SYNE2: variants seen among roughly 807,000 people sequenced by gnomAD.
SYNE2 encodes nesprin-2.
In SYNE2, 431 loss-of-function variants were observed where a neutral mutation model predicts 856.3. That is an observed-to-expected ratio of 0.50 (90% CI 0.47 to 0.55). The LOEUF (loss-of-function observed/expected upper bound fraction) is 0.55. Ranked by LOEUF, SYNE2 falls within the 20% of genes least tolerant of loss-of-function variation. The pLI, the probability that SYNE2 is intolerant of heterozygous loss-of-function variation, is 0.00. For missense variants in SYNE2, 8,129 were observed against 8,023.2 expected (o/e 1.01, Z -0.50); for synonymous variants, 2,923 against 2,872.3 (o/e 1.02, Z -0.56).
chr14:63,968,168 A>C (rs940677619), intron 11 of SYNE2, among the ~76,000 whole-genome samples: 8 of 152,228 alleles, frequency 5.3e-5, no homozygotes, highest in Non-Finnish European at 1.2e-4. Flanking sequence ...GTCTCAAAAA[A>C]AAAAGAACAT....
chr14:64,009,870 A>G (rs1339650802), intron 31 of SYNE2, 96 bp from the exon 32 acceptor site: 1 of 1,117,356 alleles, frequency 8.9e-7, no homozygotes. Flanking sequence ...AAAGTCCTTT[A>G]CACCTTATTC....
intron 7 of SYNE2, among the ~76,000 whole-genome samples, chr14:63,951,913 G>A (rs961813835): frequency 1.6e-4 from 24 of 152,148 alleles, no homozygotes; most frequent in African/African-American, 4.8e-4. Context: ...CAACTGTAGA[G>A]CTTATGCTAA....
intron 7 of SYNE2, among the ~76,000 whole-genome samples, chr14:63,951,565 A>G (rs892443927): frequency 6.6e-6 from 1 of 152,148 alleles, no homozygotes; most frequent in African/African-American, 2.4e-5. Context: ...GGCCTCCCAA[A>G]GTGCTGTGAT....
At chr14:64,040,600 A>ATG (rs1206287441) in intron 45 of SYNE2, among the ~76,000 whole-genome samples, 2 of 145,710 alleles carry the variant, frequency 1.4e-5, no homozygotes, top group African/African-American at 2.5e-5. Context: ...GGTTAAAAAT[A>ATG]TATATATATA....
intron 77 of SYNE2, among the ~76,000 whole-genome samples, chr14:64,133,254 A>G (rs1179415721): frequency 6.6e-6 from 1 of 152,014 alleles, no homozygotes; most frequent in Non-Finnish European, 1.5e-5. Flanking sequence ...ATAGTGTAAT[A>G]TGGTGTTATT....
intron 115 of SYNE2, 34 bp from the exon 116 acceptor site, chr14:64,225,285 C>T: frequency 6.2e-7 from 1 of 1,614,058 alleles, no homozygotes; most frequent in Non-Finnish European, 8.5e-7. Flanking sequence ...CCTGTGGAGC[C>T]TCCCAATCAG....
At chr14:64,075,365 T>G (rs1445759876) in intron 53 of SYNE2, among the ~76,000 whole-genome samples, 1 of 152,220 alleles carries the variant, frequency 6.6e-6, no homozygotes, top group African/African-American at 2.4e-5. Flanking sequence ...CCACAACCAA[T>G]AGACTATTTG....
chr14:64,143,957 C>T lies in SYNE2; in HGVS notation c.15483+9C>T. 6.2e-7 allele frequency: 1 copy of T among 1,614,066 alleles called. No individual in the cohort carries two copies. The highest frequency in any genetic ancestry group is 1.1e-5 in the South Asian group (1 of 91,080). The stretch of plus-strand genomic sequence containing the variant: ...GAATGCTGAATAGAAAGGTGTGTTC[C>T]TGCGTCACAACTGGATGTGTGGTTT... On this transcript the variant is annotated intron_variant, in intron 83 of 115. Transcript: ENST00000555002.
At chr14:63,937,389 C>T (rs986605974) in intron 2 of SYNE2, among the ~76,000 whole-genome samples, 2 of 152,042 alleles carry the variant, frequency 1.3e-5, no homozygotes, top group Non-Finnish European at 2.9e-5. Context: ...GACGATGATA[C>T]GGAAGAGGTA....
chr14:64,212,225 A>C, intron 104 of SYNE2, 127 bp downstream of exon 104: 1 of 1,457,674 alleles, frequency 6.9e-7, no homozygotes, highest in Non-Finnish European at 9.5e-7. Flanking sequence ...GCCAGGCTAC[A>C]TCCCACCTGT....
At chr14:63,860,569 A>G (rs1197324111) in intron 1 of SYNE2, among the ~76,000 whole-genome samples, 5 of 152,186 alleles carry the variant, frequency 3.3e-5, no homozygotes, top group East Asian at 1.9e-4. Context: ...GGAAATTTCA[A>G]TCTGAGATTT....
chr14:63,927,537 G>A (rs55989826), intron 2 of SYNE2, among the ~76,000 whole-genome samples: 82,037 of 151,888 alleles, frequency 0.54, 23,792 homozygotes, highest in Non-Finnish European at 0.64. Flanking sequence ...CATGAGATCT[G>A]ATGTTTTTAT....
intron 13 of SYNE2, 41 bp downstream of exon 13, chr14:63,978,058 C>A: frequency 7.7e-7 from 1 of 1,306,348 alleles, no homozygotes; most frequent in African/African-American, 1.4e-5. Context: ...TCACTATTCA[C>A]GTTTGAGTAA....
chr14:63,997,445 T>A, intron 25 of SYNE2, 54 bp downstream of exon 25: 2 of 1,357,126 alleles, frequency 1.5e-6, no homozygotes, highest in Non-Finnish European at 2.1e-6. Flanking sequence ...AAAGACCAAG[T>A]GTACAATAAT....
intron 66 of SYNE2, among the ~76,000 whole-genome samples, chr14:64,118,242 A>T (rs78211876): frequency 0.029 from 4,387 of 152,308 alleles, 227 homozygotes; most frequent in African/African-American, 0.1. Flanking sequence ...TGCTGACGTG[A>T]GTGCCCAGCC....
intron 61 of SYNE2, among the ~76,000 whole-genome samples, chr14:64,097,547 AG>A (rs1415129644): frequency 2.0e-5 from 3 of 152,248 alleles, no homozygotes; most frequent in Non-Finnish European, 2.9e-5. Context: ...GCACTTATGC[AG>A]TGTTGGTTAG....
At chr14:64,183,066 C>T (rs1485688308) in intron 96 of SYNE2, among the ~76,000 whole-genome samples, 3 of 151,430 alleles carry the variant, frequency 2.0e-5, no homozygotes, top group Non-Finnish European at 4.4e-5. Flanking sequence ...GGAGACGCTC[C>T]TCACTTCCCG....
At chr14:64,162,316 G>A (rs757693233) in intron 88 of SYNE2, 40 bp downstream of exon 88, 5 of 1,600,288 alleles carry the variant, frequency 3.1e-6, no homozygotes, top group Non-Finnish European at 4.3e-6. Context: ...GGCCAAGTCA[G>A]CCCAACAGAT....
intron 1 of SYNE2, among the ~76,000 whole-genome samples, chr14:63,802,838 G>A (rs1888197784): frequency 6.6e-6 from 1 of 151,928 alleles, no homozygotes; most frequent in Admixed American, 6.6e-5. Flanking sequence ...AGCGTGTCTG[G>A]AGTTGTTCGT....
Sources: allele counts gnomAD v4.1 joint callset (sites outside exome capture counted in the v4.1 genomes callset), GRCh38; gene constraint gnomAD v4.1.1; transcripts MANE v1.5; gene names NCBI Gene and HGNC (gene_info 2026-07-23, HGNC 2026-07-21).